Variants in HDGF observed in about 807,000 individuals in gnomAD.
The protein encoded by HDGF is hepatoma-derived growth factor.
In HDGF, 5 loss-of-function variants were observed where a neutral mutation model predicts 30.0. The ratio of observed to expected loss-of-function variants is 0.17; its 90% CI spans 0.09 to 0.35. The LOEUF (loss-of-function observed/expected upper bound fraction) is 0.35, where lower values mean the gene tolerates loss of function less well. Ranked by LOEUF, HDGF falls within the 10% of genes least tolerant of loss-of-function variation. The pLI is 1.00. For synonymous variants in HDGF, 133 were observed against 112.7 expected (o/e 1.18, Z -1.14); for missense variants, 214 against 302.8 (o/e 0.71, Z 2.18).
upstream of HDGF, chr1:156,752,334 A>G: frequency 6.4e-7 from 1 of 1,551,752 alleles, no homozygotes; most frequent in Middle Eastern, 1.7e-4. Flanking sequence ...CAAGGAGTTG[A>G]GGCACAAATT....
At position 156,744,084 on chromosome 1, in the gene HDGF, T is replaced by C. The variant is rs1398736290; in HGVS notation, c.489+79A>G. 3.2e-5 allele frequency: 48 copies of C among 1,483,398 alleles called. 1 individual carries two copies. The highest frequency in any genetic ancestry group is 4.4e-5 in the Non-Finnish European group (47 of 1,062,464). The allele number at this position is 1,483,398 out of a possible 1,614,324, so 91.9% of individuals were successfully genotyped here. On this transcript the variant is annotated intron_variant, in intron 4 of 5. Coordinates refer to ENST00000357325, the MANE Select transcript of HDGF (RefSeq NM_004494.3). Reference sequence around the variant, plus strand: ...ATCGACCTCTCAGACTGGGCACCCCTGAGGCAAAGCCCTGCTCCTGTGGGA... The same window carrying C: ...ATCGACCTCTCAGACTGGGCACCCCCGAGGCAAAGCCCTGCTCCTGTGGGA...
upstream of HDGF, chr1:156,751,792 T>A: frequency 2.4e-4 from 177 of 737,588 alleles, no homozygotes; most frequent in East Asian, 3.4e-3. This position sits in a 1 kb window ranked among gnomAD's most constrained non-coding sequence, Gnocchi z 4.7. Context: ...CCCCCCAACC[T>A]CGCGCTCCCT....
At chr1:156,758,735 G>A (rs947876845) in intron 2 of HDGF, among the ~76,000 whole-genome samples, 3 of 152,096 alleles carry the variant, frequency 2.0e-5, no homozygotes, top group Non-Finnish European at 4.4e-5. Flanking sequence ...CTGAGATCGC[G>A]CCACTGCACT....
At chr1:156,761,609 A>G (rs2102740761) in intron 1 of HDGF, among the ~76,000 whole-genome samples, 1 of 149,192 alleles carries the variant, frequency 6.7e-6, no homozygotes, top group African/African-American at 2.5e-5. Context: ...ACTCTGTCTC[A>G]AAACAAAACA....
upstream of HDGF, among the ~76,000 whole-genome samples, chr1:156,756,353 TTTTGTGTAATA>T (rs1434880874): frequency 5.1e-4 from 78 of 152,362 alleles, no homozygotes; most frequent in African/African-American, 1.9e-3. Context: ...TTATATTAGA[TTTTGTGTAATA>T]TTTGGTTTGA....
chr1:156,753,332 C>T (rs1162845303), upstream of HDGF, among the ~76,000 whole-genome samples: 1 of 152,150 alleles, frequency 6.6e-6, no homozygotes, highest in East Asian at 1.9e-4. Context: ...CAATTTGTTT[C>T]CATAGCAAAT....
chr1:156,743,951 G>A (rs917609769), intron 4 of HDGF, 73 bp from the exon 5 acceptor site: 3 of 1,217,342 alleles, frequency 2.5e-6, no homozygotes, highest in South Asian at 1.2e-5. Flanking sequence ...CCTCTCCTCC[G>A]GGGCTCCTTC....
intron 1 of HDGF, among the ~76,000 whole-genome samples, chr1:156,747,031 C>A (rs969652832): frequency 1.3e-5 from 2 of 151,954 alleles, no homozygotes; most frequent in African/African-American, 4.8e-5. Flanking sequence ...CCCGCTTGCC[C>A]CGTGGCCTCT....
intron 2 of HDGF, chr1:156,758,954 C>G (rs1191844893): frequency 6.6e-6 from 1 of 152,426 alleles, no homozygotes; most frequent in Non-Finnish European, 1.5e-5. Context: ...GAGAGGACAG[C>G]AGCGGTCCTG....
chr1:156,751,531 CGGCCCCCGCCTCGATGGT>C lies in HDGF; in HGVS notation c.-120_-103del. 9.6e-7 allele frequency: 1 copy of C among 1,038,008 alleles called. No homozygotes were observed. Among genetic ancestry groups the C allele is most frequent in the Non-Finnish European group, 1.2e-6 (1 of 861,754 alleles). The allele number at this position is 1,038,008 out of a possible 1,614,324, so 64.3% of individuals were successfully genotyped here. A position where few individuals can be genotyped will look rare whatever the true frequency, so the allele number is the denominator to read the frequency against. On this transcript the variant is annotated 5_prime_UTR_variant, in exon 1 of 6. Transcript: ENST00000357325. The surrounding 1 kb of genome is among the most constrained non-coding windows in gnomAD (Gnocchi z 4.7). Reference sequence around the variant, plus strand: ...GCGCCGCTCCGCTCCGGCCCTCGCGCGGCCCCCGCCTCGATGGTGGCCCCCGGCCCGAGCTCCGGCGCG... The same window carrying C: ...GCGCCGCTCCGCTCCGGCCCTCGCGCGGCCCCCGGCCCGAGCTCCGGCGCG...
rs1184242607 is a variant in HDGF at position 156,751,107 on chromosome 1, C to T, written c.87+236G>A. On this transcript the variant is annotated intron_variant, in intron 1 of 5. Transcript: ENST00000357325. This position sits in a 1 kb window ranked among gnomAD's most constrained non-coding sequence, Gnocchi z 4.7. The stretch of plus-strand genomic sequence containing the variant: ...GACCGGCGCCCTCGGATCCCCACGC[C>T]GTGAACACGCCACTACGCGCGGACG... Among the ~76,000 whole-genome samples, 3 of 152,132 alleles carry T rather than the reference C, an allele frequency of 2.0e-5. No homozygotes were observed. Among genetic ancestry groups the T allele is most frequent in the Non-Finnish European group, 4.4e-5 (3 of 68,010 alleles).
chr1:156,750,425 C>G lies in HDGF; in HGVS notation c.87+918G>C, dbSNP rs1650881882. On this transcript the variant is annotated intron_variant, in intron 1 of 5. Transcript: ENST00000357325. ...CCTTAGGGGAAACATGATGAGCACACCAGGCTTGGCTGCAGGGCCCCACCC... is the reference window on the plus strand; with the variant it reads ...CCTTAGGGGAAACATGATGAGCACAGCAGGCTTGGCTGCAGGGCCCCACCC... 2.0e-5 allele frequency among the ~76,000 whole-genome samples: 3 copies of G among 152,286 alleles called. No individual in the cohort carries two copies. In the South Asian group the frequency reaches 6.2e-4, roughly 32 times the overall value.
intron 3 of HDGF, chr1:156,744,667 G>A: frequency 2.7e-6 from 2 of 741,812 alleles, no homozygotes; most frequent in Non-Finnish European, 2.0e-6. Context: ...GCCTCGTCCT[G>A]CCCGGCTCAC....
In HDGF at chr1:156,751,001, A is replaced by G. The variant is rs1037244897; in HGVS notation, c.87+342T>C. ...GGAAGGAATAACACGACTGGCCCAA[A>G]GCCAGACTTCGCGCTCGAAACCTCT... On this transcript the variant is annotated intron_variant, in intron 1 of 5. Coordinates refer to ENST00000357325, the MANE Select transcript of HDGF (RefSeq NM_004494.3). This position sits in a 1 kb window ranked among gnomAD's most constrained non-coding sequence, Gnocchi z 4.7. Among the ~76,000 whole-genome samples, 1 of 151,010 alleles carries G rather than the reference A, an allele frequency of 6.6e-6. No individual in the cohort carries two copies. Among genetic ancestry groups the G allele is most frequent in the African/African-American group, 2.4e-5 (1 of 41,022 alleles).
intron 1 of HDGF, among the ~76,000 whole-genome samples, chr1:156,746,319 ATTAT>A (rs1650543628): frequency 6.6e-6 from 1 of 152,236 alleles, no homozygotes; most frequent in South Asian, 2.1e-4. Flanking sequence ...TAGGTATATA[ATTAT>A]TTACTGAATG....
upstream of HDGF, among the ~76,000 whole-genome samples, chr1:156,756,369 G>C (rs559019343): frequency 6.4e-4 from 97 of 152,236 alleles, no homozygotes; most frequent in East Asian, 3.5e-3. Flanking sequence ...GTAATATTTG[G>C]TTTGAAAAAA....
At chr1:156,756,870 GCAACCTC>G (rs1426966948), upstream of HDGF, among the ~76,000 whole-genome samples, 2 of 143,934 alleles carry the variant, frequency 1.4e-5, no homozygotes, top group Non-Finnish European at 3.0e-5. Context: ...TCAGCTCACT[GCAACCTC>G]CACCTCCTGG....
chr1:156,745,219 G>C (rs770908206), intron 2 of HDGF, 73 bp from the exon 3 acceptor site: 4 of 1,609,366 alleles, frequency 2.5e-6, no homozygotes, highest in Non-Finnish European at 3.4e-6. Context: ...CATGAAAGGG[G>C]CACCAACACC....
chr1:156,756,139 C>A (rs2102736217), upstream of HDGF, among the ~76,000 whole-genome samples: 1 of 152,248 alleles, frequency 6.6e-6, no homozygotes, highest in South Asian at 2.1e-4. Context: ...GTAATCCCAG[C>A]TACTCAGAAG....
Sources: allele counts gnomAD v4.1 joint callset (sites outside exome capture counted in the v4.1 genomes callset), GRCh38; gene constraint gnomAD v4.1.1; non-coding constraint Gnocchi (gnomAD v3.1); transcripts MANE v1.5; gene names NCBI Gene and HGNC (gene_info 2026-07-23, HGNC 2026-07-21).